The following RASA1 variants were observed in gnomAD, a reference collection of about 807,000 sequenced individuals.
RASA1 encodes RAS p21 protein activator 1, also known as ras GTPase-activating protein 1.
RASA1 carries 25 observed loss-of-function variants against 132.2 expected under a neutral mutation model. The ratio of observed to expected loss-of-function variants is 0.19; its 90% CI spans 0.14 to 0.26. The LOEUF (loss-of-function observed/expected upper bound fraction) is 0.26, where lower values mean the gene tolerates loss of function less well. Ranked by LOEUF, RASA1 falls within the 10% of genes least tolerant of loss-of-function variation. The pLI is 1.00. For missense variants in RASA1, 964 were observed against 1,299.2 expected (o/e 0.74, Z 3.97); for synonymous variants, 477 against 449.9 (o/e 1.06, Z -0.76).
chr5:87,274,909 A>C (rs1427497622), intron 1 of RASA1, among the ~76,000 whole-genome samples: 2 of 152,200 alleles, frequency 1.3e-5, no homozygotes, highest in Non-Finnish European at 2.9e-5. Flanking sequence ...TGGTCTACAG[A>C]ACTTTTAGTT....
At chr5:87,320,494 C>G (rs1580253183) in intron 1 of RASA1, among the ~76,000 whole-genome samples, 1 of 152,206 alleles carries the variant, frequency 6.6e-6, no homozygotes, top group East Asian at 1.9e-4. Context: ...GACTTACAAT[C>G]ATGGCAGAAG....
intron 1 of RASA1, among the ~76,000 whole-genome samples, chr5:87,313,412 T>C (rs75851360): frequency 0.012 from 1,825 of 152,140 alleles, 31 homozygotes; most frequent in African/African-American, 0.041. Context: ...AGGTGAGAAA[T>C]AGCTTGAATG....
At chr5:87,321,227 A>C (rs1231910243) in intron 1 of RASA1, among the ~76,000 whole-genome samples, 2 of 151,718 alleles carry the variant, frequency 1.3e-5, no homozygotes, top group Non-Finnish European at 2.9e-5. Context: ...TTTAGGAAAA[A>C]CTCCCAAATT....
At chr5:87,333,598 G>C (rs1247907823) in intron 4 of RASA1, among the ~76,000 whole-genome samples, 1 of 152,172 alleles carries the variant, frequency 6.6e-6, no homozygotes, top group Non-Finnish European at 1.5e-5. Flanking sequence ...AAAGTAAGGA[G>C]AGTTCTGCTT....
intron 1 of RASA1, among the ~76,000 whole-genome samples, chr5:87,327,069 G>A (rs574586821): frequency 6.6e-6 from 1 of 152,182 alleles, no homozygotes; most frequent in East Asian, 1.9e-4. Context: ...CTGTGATACT[G>A]GTTTGATATT....
intron 14 of RASA1, among the ~76,000 whole-genome samples, 177 bp downstream of exon 14, chr5:87,374,497 T>C (rs1298347859): frequency 1.3e-5 from 2 of 150,132 alleles, no homozygotes; most frequent in Non-Finnish European, 3.0e-5. Context: ...TCACCTTTAT[T>C]TGTGAAGTGC....
intron 6 of RASA1, among the ~76,000 whole-genome samples, chr5:87,343,293 A>G (rs766624250): frequency 2.0e-5 from 3 of 152,150 alleles, no homozygotes; most frequent in Non-Finnish European, 4.4e-5. Context: ...TTAAATAACT[A>G]CATTCTAGTT....
rs377722838 is a variant in RASA1 at position 87,374,147 on chromosome 5, A to ATT, written c.1777-4_1777-3dup. On this transcript the variant is annotated splice_polypyrimidine_tract_variant and intron_variant, in intron 13 of 24. Coordinates refer to ENST00000274376, the MANE Select transcript of RASA1 (RefSeq NM_002890.3). The stretch of plus-strand genomic sequence containing the variant: ...AATCTGGGGTAATATATATATATAT[A>ATT]TTTTTTTTTTTTTAGGTCAGCAGCC... 100 of 1,006,508 alleles carry ATT rather than the reference A, an allele frequency of 9.9e-5. No individual in the cohort carries two copies. Among genetic ancestry groups the ATT allele is most frequent in the African/African-American group, 3.7e-4 (22 of 59,012 alleles). The allele number at this position is 1,006,508 out of a possible 1,614,324, so 62.3% of individuals were successfully genotyped here.
intron 6 of RASA1, among the ~76,000 whole-genome samples, chr5:87,342,411 G>A (rs1758539117): frequency 6.6e-6 from 1 of 152,016 alleles, no homozygotes; most frequent in African/African-American, 2.4e-5. Flanking sequence ...TACCAGCCTC[G>A]GCCTCCCAAA....
At chr5:87,321,740 C>G (rs1426140383) in intron 1 of RASA1, among the ~76,000 whole-genome samples, 2 of 152,198 alleles carry the variant, frequency 1.3e-5, no homozygotes, top group Non-Finnish European at 2.9e-5. Context: ...ACCTTCTTGC[C>G]CACCTTCACA....
intron 1 of RASA1, among the ~76,000 whole-genome samples, chr5:87,309,035 A>T (rs1331438238): frequency 1.3e-5 from 2 of 152,176 alleles, no homozygotes; most frequent in Non-Finnish European, 2.9e-5. Flanking sequence ...AATACAACAT[A>T]TTAAAAAAGG....
chr5:87,369,730 T>C (rs1580370477), intron 11 of RASA1, 83 bp from the exon 12 acceptor site: 1 of 849,440 alleles, frequency 1.2e-6, no homozygotes, highest in East Asian at 2.7e-5. Flanking sequence ...GTTAATTATT[T>C]ATTGTGAGTG....
chr5:87,366,435 G>A, intron 11 of RASA1: 1 of 363,918 alleles, frequency 2.7e-6, no homozygotes. Flanking sequence ...AATTGCCAGA[G>A]TAAAAAGAAG....
chr5:87,286,708 A>G (rs1334705133), intron 1 of RASA1, among the ~76,000 whole-genome samples: 1 of 151,692 alleles, frequency 6.6e-6, no homozygotes, highest in Admixed American at 6.6e-5. Flanking sequence ...TTGTGGATCT[A>G]TTGTTTACAG....
chr5:87,316,688 T>G (rs553142990), intron 1 of RASA1, among the ~76,000 whole-genome samples: 24 of 152,126 alleles, frequency 1.6e-4, no homozygotes, highest in Non-Finnish European at 3.2e-4. Flanking sequence ...AGCATCCCTG[T>G]TTTGGGGGAA....
chr5:87,371,780 G>T (rs1360672443), intron 12 of RASA1, among the ~76,000 whole-genome samples: 1 of 152,034 alleles, frequency 6.6e-6, no homozygotes, highest in Non-Finnish European at 1.5e-5. Context: ...TAATTATACA[G>T]TTAATTTCCC....
At chr5:87,309,613 C>T (rs1163487102) in intron 1 of RASA1, among the ~76,000 whole-genome samples, 1 of 151,960 alleles carries the variant, frequency 6.6e-6, no homozygotes, top group Non-Finnish European at 1.5e-5. Context: ...AGTGATGATC[C>T]TTTCTTGTGT....
chr5:87,354,899 C>T (rs1252248281), intron 9 of RASA1, among the ~76,000 whole-genome samples: 1 of 152,070 alleles, frequency 6.6e-6, no homozygotes, highest in African/African-American at 2.4e-5. Flanking sequence ...AAGATTAAAC[C>T]AGGGATAACA....
intron 1 of RASA1, among the ~76,000 whole-genome samples, chr5:87,302,025 A>G (rs2112286301): frequency 6.6e-6 from 1 of 152,236 alleles, no homozygotes; most frequent in South Asian, 2.1e-4. Context: ...ATGACTTTTA[A>G]TGAACATGTA....
Sources: allele counts gnomAD v4.1 joint callset (sites outside exome capture counted in the v4.1 genomes callset), GRCh38; gene constraint gnomAD v4.1.1; transcripts MANE v1.5; gene names NCBI Gene and HGNC (gene_info 2026-07-23, HGNC 2026-07-21).